Variants in MSH4 observed in about 807,000 individuals in gnomAD.
The protein encoded by MSH4 is mutS protein homolog 4.
In MSH4, 106 loss-of-function variants were observed where a neutral mutation model predicts 113.7. The ratio of observed to expected loss-of-function variants is 0.93; its 90% CI spans 0.80 to 1.10. The LOEUF (loss-of-function observed/expected upper bound fraction) is 1.10. Ranked by LOEUF, MSH4 falls within the 50% of genes least tolerant of loss-of-function variation. The probability of loss-of-function intolerance (pLI) is 0.00; values close to 1 mark genes in which losing one functional copy is unlikely to be tolerated. For synonymous variants in MSH4, 368 were observed against 380.2 expected, an observed-to-expected ratio of 0.97 and a Z score of 0.37; for missense variants, 1,061 against 1,093.7, an observed-to-expected ratio of 0.97 and a Z score of 0.42.
At chr1:75,888,395 C>T (rs3819949) in intron 15 of MSH4, among the ~76,000 whole-genome samples, 105,605 of 151,834 alleles carry the variant, frequency 0.7, 37,470 homozygotes, top group African/African-American at 0.79. Context: ...TTTCAAAAAA[C>T]GAATATTTTA....
chr1:75,838,090 G>A lies in MSH4; in HGVS notation c.1163-10119G>A, dbSNP rs539544699. On this transcript the variant is annotated intron_variant, in intron 7 of 19. Transcript: ENST00000263187. The stretch of plus-strand genomic sequence containing the variant: ...CAAATTTAGGGGCTTAAAACAACAC[G>A]AATGTATTATCTCACAGTTCTGGAG... 2.3e-3 allele frequency among the ~76,000 whole-genome samples: 356 copies of A among 152,252 alleles called. 4 individuals are homozygous for A. Among genetic ancestry groups the A allele is most frequent in the African/African-American group, 8.2e-3 (340 of 41,538 alleles).
At chr1:75,847,428 T>C (rs986562591) in intron 7 of MSH4, among the ~76,000 whole-genome samples, 1 of 152,184 alleles carries the variant, frequency 6.6e-6, no homozygotes, top group Non-Finnish European at 1.5e-5. Context: ...ATCTTTTAAA[T>C]ATCATGAAGA....
At chr1:75,877,628 A>G (rs561231559) in intron 10 of MSH4, among the ~76,000 whole-genome samples, 1 of 152,300 alleles carries the variant, frequency 6.6e-6, no homozygotes, top group South Asian at 2.1e-4. Flanking sequence ...GTGTTACCAG[A>G]TTTCTGGTTT....
chr1:75,901,426 C>T (rs1209915445), intron 19 of MSH4, among the ~76,000 whole-genome samples: 2 of 152,084 alleles, frequency 1.3e-5, no homozygotes, highest in African/African-American at 2.4e-5. Context: ...TCTTTCTGTG[C>T]CTGGTTTATT....
chr1:75,816,549 A>G lies in MSH4; in HGVS notation c.989+3A>G. Reference sequence around the variant, plus strand: ...TTAATTAATAATCAAGACTATAGGTAAGATCATCCATTTTATTTGTATAAA... The same window carrying G: ...TTAATTAATAATCAAGACTATAGGTGAGATCATCCATTTTATTTGTATAAA... On this transcript the variant is annotated splice_donor_region_variant and intron_variant, in intron 6 of 19. Coordinates refer to ENST00000263187, the MANE Select transcript of MSH4 (RefSeq NM_002440.4). 1.3e-6 allele frequency: 2 copies of G among 1,504,348 alleles called. No individual in the cohort carries two copies. The highest frequency in any genetic ancestry group is 1.8e-6 in the Non-Finnish European group (2 of 1,109,540). 93.2% of individuals were successfully genotyped at this position (1,504,348 alleles called of 1,614,324 possible).
At chr1:75,882,981 T>C (rs1651968723) in intron 14 of MSH4, among the ~76,000 whole-genome samples, 1 of 152,104 alleles carries the variant, frequency 6.6e-6, no homozygotes. Context: ...GTACAATCAA[T>C]GAGTACTTGG....
chr1:75,819,131 T>G (rs911147744), intron 6 of MSH4, among the ~76,000 whole-genome samples: 1 of 152,124 alleles, frequency 6.6e-6, no homozygotes, highest in Admixed American at 6.6e-5. Flanking sequence ...ATGTGTTTAT[T>G]GTTTTTATTG....
In MSH4 at chr1:75,815,134, C is replaced by T. The variant is rs1440239995; in HGVS notation, c.813C>T (p.Ser271=). 1.3e-6 allele frequency: 2 copies of T among 1,488,694 alleles called. No individual in the cohort carries two copies. Among genetic ancestry groups the T allele is most frequent in the Non-Finnish European group, 1.8e-6 (2 of 1,101,378 alleles). The allele number at this position is 1,488,694 out of a possible 1,614,324, so 92.2% of individuals were successfully genotyped here. Residue 271 remains serine (S), a splice_region_variant and synonymous_variant, in exon 5 of 20, where the codon TCC becomes TCT. Coordinates refer to ENST00000263187, the MANE Select transcript of MSH4 (RefSeq NM_002440.4). The stretch of plus-strand genomic sequence containing the variant: ...GCACTGTCCTAATGGAGGTTCAGTC[C>T]AAGTAAGTTATATATTTATTTATTT... ...EFSTVLMEVQ[S]KYYCLAAVAA...
chr1:75,906,159 T>G (rs1652625422), intron 19 of MSH4, among the ~76,000 whole-genome samples: 1 of 151,618 alleles, frequency 6.6e-6, no homozygotes, highest in Non-Finnish European at 1.5e-5. Flanking sequence ...CCCAGCTAAT[T>G]TTTGTATTTC....
intron 9 of MSH4, among the ~76,000 whole-genome samples, chr1:75,868,958 G>T (rs1434382361): frequency 6.6e-6 from 1 of 152,194 alleles, no homozygotes; most frequent in Non-Finnish European, 1.5e-5. Flanking sequence ...GTGGGGTGCT[G>T]CTGTAAAGGT....
intron 9 of MSH4, among the ~76,000 whole-genome samples, chr1:75,873,047 G>A (rs557830419): frequency 5.3e-5 from 8 of 152,206 alleles, no homozygotes; most frequent in Non-Finnish European, 8.8e-5. Context: ...AAGTGTAAAC[G>A]TGCTGTGATA....
In MSH4 at chr1:75,830,532, A is replaced by T. The variant is rs536340071; in HGVS notation, c.1162+7951A>T. ...AATGAAGGAAAAAATGTTAAGGGCA[A>T]CCAGAGAGAAAGGTCAGGTTACCCA... On this transcript the variant is annotated intron_variant, in intron 7 of 19. Transcript: ENST00000263187. 3.5e-4 allele frequency among the ~76,000 whole-genome samples: 53 copies of T among 152,260 alleles called. No individual in the cohort carries two copies. The South Asian group carries it at 3.9e-3, about 11-fold the overall frequency.
chr1:75,892,319 C>A (rs1652273142), intron 17 of MSH4, among the ~76,000 whole-genome samples: 1 of 152,108 alleles, frequency 6.6e-6, no homozygotes, highest in Non-Finnish European at 1.5e-5. Flanking sequence ...TGTTAGCCTT[C>A]ATAAATCACA....
At chr1:75,898,894 A>T (rs150844974) in intron 18 of MSH4, among the ~76,000 whole-genome samples, 33 of 152,308 alleles carry the variant, frequency 2.2e-4, no homozygotes, top group Middle Eastern at 3.4e-3. Flanking sequence ...AAAATTTATG[A>T]GCCTCAATTT....
chr1:75,809,881 C>T lies in MSH4; in HGVS notation c.589-816C>T, dbSNP rs368508060. ...GGCCAAGCTGGTTGTGAACTCCTGACCTCAAGTGATGCAGTCGCCTTGGCC... is the reference window on the plus strand; with the variant it reads ...GGCCAAGCTGGTTGTGAACTCCTGATCTCAAGTGATGCAGTCGCCTTGGCC... On this transcript the variant is annotated intron_variant, in intron 3 of 19. Transcript: ENST00000263187. Among the ~76,000 whole-genome samples the T allele has an allele frequency of 4.6e-5, 7 of 152,172 alleles. No individual in the cohort carries two copies. The South Asian group carries it at 1.2e-3, about 27-fold the overall frequency.
chr1:75,843,672 C>G (rs1651015527), intron 7 of MSH4, among the ~76,000 whole-genome samples: 1 of 152,084 alleles, frequency 6.6e-6, no homozygotes, highest in Non-Finnish European at 1.5e-5. Context: ...GGCCTCAAAA[C>G]AGTTTTAACA....
Position 75,822,482 on chromosome 1 carries a change from A to G in MSH4, c.1063A>G (p.Ile355Val), listed in dbSNP as rs116141807. Residue 355 changes from isoleucine to valine, a missense_variant, in exon 7 of 20, where the codon ATA becomes GTA. Coordinates refer to ENST00000263187, the MANE Select transcript of MSH4 (RefSeq NM_002440.4). ...AGGGAGTAGACGACTTCGTTCTAATATATTAGAGCCTCTAGTTGATATTGA... is the reference window on the plus strand; with the variant it reads ...AGGGAGTAGACGACTTCGTTCTAATGTATTAGAGCCTCTAGTTGATATTGA... ...PGGSRRLRSN[I>V]LEPLVDIETI... 1.7e-4 allele frequency: 272 copies of G among 1,587,866 alleles called. 1 individual carries two copies. The East Asian group carries it at 6.1e-3, about 36-fold the overall frequency.
chr1:75,899,844 A>C (rs1652470764), intron 19 of MSH4, 138 bp downstream of exon 19: 1 of 285,366 alleles, frequency 3.5e-6, no homozygotes. Flanking sequence ...TAATTTCTAA[A>C]CAAAGAAAAT....
chr1:75,867,618 A>G (rs1462045474), intron 9 of MSH4, 30 bp downstream of exon 9: 3 of 1,343,420 alleles, frequency 2.2e-6, no homozygotes, highest in African/African-American at 3.0e-5. Flanking sequence ...CGTACAAAAC[A>G]TGTCCAGCAT....
Sources: allele counts gnomAD v4.1 joint callset (sites outside exome capture counted in the v4.1 genomes callset), GRCh38; gene constraint gnomAD v4.1.1; transcripts MANE v1.5; gene names NCBI Gene and HGNC (gene_info 2026-07-23, HGNC 2026-07-21).